Variants in DCAF6 observed in about 807,000 individuals in gnomAD.
DCAF6 encodes the protein DDB1 and CUL4 associated factor 6.
Under a neutral mutation model 125.1 loss-of-function variants are expected in DCAF6, and 54 were observed. The ratio of observed to expected loss-of-function variants is 0.43; its 90% CI spans 0.35 to 0.54. The LOEUF (loss-of-function observed/expected upper bound fraction) is 0.54, where lower values mean the gene tolerates loss of function less well. Among genes scored for constraint, DCAF6 ranks in the 20% least tolerant of loss-of-function variants. The pLI is 0.01. For synonymous variants in DCAF6, 371 were observed against 390.4 expected (o/e 0.95, Z 0.58); for missense variants, 934 against 1,161.7 (o/e 0.80, Z 2.85).
the DCAF6 span, chr1:167,870,235 A>G: frequency 1.9e-6 from 3 of 1,613,870 alleles, no homozygotes; most frequent in East Asian, 4.5e-5. Flanking sequence ...TTCACACAGA[A>G]CAATCATTCC....
intron 21 of DCAF6, among the ~76,000 whole-genome samples, chr1:168,069,045 C>A (rs1360593192): frequency 6.6e-6 from 1 of 152,022 alleles, no homozygotes; most frequent in Admixed American, 6.6e-5. Context: ...TGTCCCCATA[C>A]GTTTGGTATT....
the DCAF6 span, among the ~76,000 whole-genome samples, chr1:167,873,680 G>A: frequency 1.3e-5 from 2 of 151,868 alleles, no homozygotes; most frequent in Non-Finnish European, 2.9e-5. Flanking sequence ...CTATCACCAG[G>A]AATCACAAAA....
chr1:167,956,077 CTCTT>C (rs1259536490), intron 2 of DCAF6, among the ~76,000 whole-genome samples: 1 of 152,136 alleles, frequency 6.6e-6, no homozygotes, highest in Non-Finnish European at 1.5e-5. Context: ...AGAACATTGT[CTCTT>C]TCTATTTAGT....
the DCAF6 span, among the ~76,000 whole-genome samples, chr1:167,897,633 T>A: frequency 1 from 3,815 of 3,816 alleles, 1,907 homozygotes; most frequent in Non-Finnish European, 1. Context: ...GCAACTCTCT[T>A]GTGTCACGGT....
chr1:167,942,185 C>A (rs549730227), intron 1 of DCAF6, among the ~76,000 whole-genome samples: 1 of 152,286 alleles, frequency 6.6e-6, no homozygotes, highest in Non-Finnish European at 1.5e-5. Context: ...CCTGCCTCAG[C>A]CTGCCAAGTA....
At chr1:167,897,466 C>T in the DCAF6 span, among the ~76,000 whole-genome samples, 1 of 149,496 alleles carries the variant, frequency 6.7e-6, no homozygotes, top group Non-Finnish European at 1.5e-5. Flanking sequence ...CACCTCACTC[C>T]CCACTGGGTG....
intron 10 of DCAF6, among the ~76,000 whole-genome samples, chr1:168,011,206 C>T (rs1684239673): frequency 6.6e-6 from 1 of 151,054 alleles, no homozygotes; most frequent in Admixed American, 6.6e-5. Flanking sequence ...AACCTCTGCC[C>T]CCGGGTTCAA....
At chr1:168,020,766 T>C (rs547213174) in intron 11 of DCAF6, among the ~76,000 whole-genome samples, 2 of 152,130 alleles carry the variant, frequency 1.3e-5, no homozygotes, top group Non-Finnish European at 2.9e-5. Flanking sequence ...TTGAAAATAT[T>C]TATGTAAGAT....
chr1:167,968,921 G>A (rs1676875135), intron 3 of DCAF6, among the ~76,000 whole-genome samples: 1 of 152,096 alleles, frequency 6.6e-6, no homozygotes, highest in Admixed American at 6.6e-5. Flanking sequence ...ACCTTTATCT[G>A]CTTCTTGGTA....
the DCAF6 span, among the ~76,000 whole-genome samples, chr1:167,870,923 T>C: frequency 6.6e-6 from 1 of 152,152 alleles, no homozygotes; most frequent in African/African-American, 2.4e-5. Context: ...AACCATGTGG[T>C]TTTGCAGTTT....
upstream of DCAF6, chr1:167,936,065 G>A (rs1671169928): frequency 6.8e-6 from 4 of 585,432 alleles, no homozygotes; most frequent in Admixed American, 3.0e-5. Context: ...CCAGCCCCCG[G>A]TCCGCCTCCG....
Position 167,951,872 on chromosome 1 carries a change from G to A in DCAF6, c.159+11G>A, listed in dbSNP as rs1392421454. On this transcript the variant is annotated intron_variant, in intron 2 of 21. Coordinates refer to ENST00000367840, the MANE Select transcript of DCAF6 (RefSeq NM_001198956.2). ...GTGCATGATGGTTGTGTAAGTAATA[G>A]TTAATTCTCAACTCTGAAGGGATTT... The A allele has an allele frequency of 1.3e-6, 2 of 1,589,000 alleles. No individual in the cohort carries two copies. The highest frequency in any genetic ancestry group is 1.7e-6 in the Non-Finnish European group (2 of 1,158,760).
At chr1:167,944,279 C>T (rs1226914441) in intron 1 of DCAF6, among the ~76,000 whole-genome samples, 1 of 152,124 alleles carries the variant, frequency 6.6e-6, no homozygotes, top group Non-Finnish European at 1.5e-5. Flanking sequence ...AGTAAACATA[C>T]TGGTGCACAT....
chr1:167,904,822 G>A, the DCAF6 span: 2 of 816,748 alleles, frequency 2.4e-6, no homozygotes, highest in Non-Finnish European at 4.0e-6. Flanking sequence ...ATGAGAGAGA[G>A]CCAGGGCCAC....
Position 167,966,856 on chromosome 1 carries a change from T to C in DCAF6, c.252+135T>C, listed in dbSNP as rs180873188. ...CCCTATTTTGCTGAGGTTTATTGTATAATTTAGAGGTTCTTAGGTACATGT... is the reference window on the plus strand; with the variant it reads ...CCCTATTTTGCTGAGGTTTATTGTACAATTTAGAGGTTCTTAGGTACATGT... On this transcript the variant is annotated intron_variant, in intron 3 of 21. Transcript: ENST00000367840. 896 of 595,690 alleles carry C rather than the reference T, an allele frequency of 1.5e-3. 3 individuals are homozygous for C. The highest frequency in any genetic ancestry group is 2.2e-3 in the Non-Finnish European group (725 of 336,178). 36.9% of individuals were successfully genotyped at this position (595,690 alleles called of 1,614,324 possible). A position where few individuals can be genotyped will look rare whatever the true frequency, so the allele number is the denominator to read the frequency against.
intron 6 of DCAF6, among the ~76,000 whole-genome samples, chr1:167,991,833 GCA>G (rs1479575330): frequency 6.6e-6 from 1 of 152,140 alleles, no homozygotes; most frequent in Admixed American, 6.5e-5. Flanking sequence ...TCCTCTTAGG[GCA>G]CTAGTCATAC....
intron 4 of DCAF6, among the ~76,000 whole-genome samples, chr1:167,984,232 T>C (rs1410851652): frequency 6.6e-6 from 1 of 152,224 alleles, no homozygotes; most frequent in Non-Finnish European, 1.5e-5. Context: ...AGAGGTCTTA[T>C]TCAGCCATTG....
intron 2 of DCAF6, among the ~76,000 whole-genome samples, chr1:167,962,985 C>T (rs1191289646): frequency 6.6e-6 from 1 of 151,312 alleles, no homozygotes; most frequent in Non-Finnish European, 1.5e-5. Context: ...TGTTGCCAGG[C>T]GTGGTGGCTC....
the DCAF6 span, among the ~76,000 whole-genome samples, chr1:167,868,250 G>C: frequency 6.6e-6 from 1 of 152,140 alleles, no homozygotes; most frequent in Non-Finnish European, 1.5e-5. Context: ...TGTAATAAGA[G>C]ATCAATGGCA....
Sources: allele counts gnomAD v4.1 joint callset (sites outside exome capture counted in the v4.1 genomes callset), GRCh38; gene constraint gnomAD v4.1.1; transcripts MANE v1.5; gene names NCBI Gene and HGNC (gene_info 2026-07-23, HGNC 2026-07-21).